The following ANKRD17 variants were observed in gnomAD, a reference collection of about 807,000 sequenced individuals.
The protein encoded by ANKRD17 is ankyrin repeat domain 17.
ANKRD17 carries 19 observed loss-of-function variants against 229.7 expected under a neutral mutation model. The ratio of observed to expected loss-of-function variants is 0.08; its 90% CI spans 0.06 to 0.12. The LOEUF is 0.12. ANKRD17 is among the 10% of genes least tolerant of loss of function. The probability of loss-of-function intolerance (pLI) is 1.00; values close to 1 mark genes in which losing one functional copy is unlikely to be tolerated. For missense variants in ANKRD17, 2,176 were observed against 3,176.8 expected (o/e 0.68, Z 7.57); for synonymous variants, 1,112 against 1,146.1 (o/e 0.97, Z 0.60).
intron 1 of ANKRD17, among the ~76,000 whole-genome samples, chr4:73,235,586 T>TA (rs1379744221): frequency 6.6e-6 from 1 of 152,168 alleles, no homozygotes; most frequent in Non-Finnish European, 1.5e-5. Context: ...GAAAAGAAAT[T>TA]AAAGGAATGT....
intron 15 of ANKRD17, 54 bp from the exon 16 acceptor site, chr4:73,135,319 T>C: frequency 6.5e-7 from 1 of 1,527,380 alleles, no homozygotes; most frequent in Non-Finnish European, 8.9e-7. Context: ...TAAGTAATAC[T>C]AAGACATATT....
chr4:73,133,312 T>G (rs767133425), intron 16 of ANKRD17, among the ~76,000 whole-genome samples: 17 of 151,082 alleles, frequency 1.1e-4, no homozygotes, highest in Non-Finnish European at 2.4e-4. Flanking sequence ...GCAAATTCAA[T>G]GCCAAGTTCA....
intron 16 of ANKRD17, among the ~76,000 whole-genome samples, chr4:73,126,212 A>T (rs1195709331): frequency 1.3e-5 from 2 of 152,164 alleles, no homozygotes; most frequent in African/African-American, 4.8e-5. Flanking sequence ...TGTGCAGAGG[A>T]TTCCCCTCAA....
At chr4:73,102,602 A>T (rs1432816980) in intron 24 of ANKRD17, 55 bp from the exon 25 acceptor site, 30 of 1,554,528 alleles carry the variant, frequency 1.9e-5, no homozygotes, top group Non-Finnish European at 2.3e-5. Context: ...CTGGAGAAGA[A>T]GTTGTCACAT....
intron 1 of ANKRD17, among the ~76,000 whole-genome samples, chr4:73,228,224 G>A (rs1742695896): frequency 6.6e-6 from 1 of 152,044 alleles, no homozygotes; most frequent in African/African-American, 2.4e-5. Flanking sequence ...CAGAATTTAA[G>A]TTAAAAGGCT....
intron 25 of ANKRD17, chr4:73,098,990 C>T: frequency 6.1e-6 from 6 of 980,658 alleles, no homozygotes; most frequent in Non-Finnish European, 9.8e-6. Flanking sequence ...ACCTAAGAGA[C>T]CTTGGGGCCA....
At chr4:73,101,683 G>A (rs1379113907) in intron 25 of ANKRD17, among the ~76,000 whole-genome samples, 1 of 79,698 alleles carries the variant, frequency 1.3e-5, no homozygotes. Flanking sequence ...AAAAAAAAAG[G>A]ATTTATAGGC....
At chr4:73,175,960 C>T (rs550898768) in intron 2 of ANKRD17, among the ~76,000 whole-genome samples, 1 of 150,108 alleles carries the variant, frequency 6.7e-6, no homozygotes, top group South Asian at 2.1e-4. Context: ...CAAATGGGAT[C>T]ACATCAAGTT....
At chr4:73,178,465 T>C (rs1041955581) in intron 1 of ANKRD17, among the ~76,000 whole-genome samples, 2 of 152,170 alleles carry the variant, frequency 1.3e-5, no homozygotes, top group Admixed American at 6.5e-5. Flanking sequence ...AGAATATTCT[T>C]AAACTAGCAT....
In ANKRD17 at chr4:73,125,128, G is replaced by C. The variant is rs1727263873; in HGVS notation, c.3347-70C>G. The C allele has an allele frequency of 5.7e-6, 9 of 1,589,708 alleles. No individual in the cohort carries two copies. The South Asian group carries it at 9.1e-5, about 16-fold the overall frequency. ...AACAAAATATCTGACCTTCAAAATA[G>C]GACTAAAAAATAATGTTCCTAAATA... On this transcript the variant is annotated intron_variant, in intron 17 of 33. Transcript: ENST00000358602.
At chr4:73,144,056 C>A (rs1276124296) in intron 11 of ANKRD17, among the ~76,000 whole-genome samples, 2 of 152,078 alleles carry the variant, frequency 1.3e-5, no homozygotes, top group East Asian at 1.9e-4. Context: ...TTTCTTTTAT[C>A]AATGCAGAAT....
chr4:73,212,682 C>T (rs1382753263), intron 1 of ANKRD17, among the ~76,000 whole-genome samples: 4 of 152,006 alleles, frequency 2.6e-5, no homozygotes, highest in Admixed American at 2.0e-4. Context: ...AAACCCACCA[C>T]ATGTTTTTGG....
chr4:73,157,609 G>C (rs976220580), intron 3 of ANKRD17, among the ~76,000 whole-genome samples: 13 of 151,776 alleles, frequency 8.6e-5, no homozygotes, highest in Non-Finnish European at 5.9e-5. Context: ...TTTCATTTCA[G>C]ATACTAAAGG....
At chr4:73,211,383 T>C (rs955611317) in intron 1 of ANKRD17, among the ~76,000 whole-genome samples, 3 of 152,160 alleles carry the variant, frequency 2.0e-5, no homozygotes, top group Non-Finnish European at 4.4e-5. Flanking sequence ...GTTGAGTGGA[T>C]AGAATGAAGT....
intron 27 of ANKRD17, among the ~76,000 whole-genome samples, chr4:73,096,449 A>G (rs1450362323): frequency 6.6e-6 from 1 of 152,226 alleles, no homozygotes; most frequent in Admixed American, 6.5e-5. Flanking sequence ...ATACGGAGGA[A>G]ATAAGCCAAA....
chr4:73,221,430 A>G (rs1741838089), intron 1 of ANKRD17, among the ~76,000 whole-genome samples: 1 of 152,188 alleles, frequency 6.6e-6, no homozygotes, highest in Non-Finnish European at 1.5e-5. Flanking sequence ...GACTTCTAAA[A>G]TCTGTTATAT....
chr4:73,100,707 T>C (rs1397173748), intron 25 of ANKRD17: 3 of 355,296 alleles, frequency 8.4e-6, no homozygotes, highest in Non-Finnish European at 1.2e-5. Context: ...ACACAACCCA[T>C]GTGTGCCAAA....
intron 1 of ANKRD17, among the ~76,000 whole-genome samples, chr4:73,179,535 T>TTTTTTTA (rs35334224): frequency 7.9e-6 from 1 of 126,218 alleles, no homozygotes; most frequent in Admixed American, 8.3e-5. Flanking sequence ...TTTTTTTTTT[T>TTTTTTTA]AAAGAGACAT....
In ANKRD17 at chr4:73,194,798, G is replaced by A. The variant is rs112126420; in HGVS notation, c.394-17265C>T. 6.4e-3 allele frequency among the ~76,000 whole-genome samples: 971 copies of A among 151,980 alleles called. 13 individuals carry two copies. The highest frequency in any genetic ancestry group is 0.022 in the African/African-American group (925 of 41,444). ...AAAATTAACCTGAAATAAATCATAAGCCTAGATACTACATATTTTTTCATG... is the reference window on the plus strand; with the variant it reads ...AAAATTAACCTGAAATAAATCATAAACCTAGATACTACATATTTTTTCATG... On this transcript the variant is annotated intron_variant, in intron 1 of 33. Transcript: ENST00000358602.
Sources: allele counts gnomAD v4.1 joint callset (sites outside exome capture counted in the v4.1 genomes callset), GRCh38; gene constraint gnomAD v4.1.1; transcripts MANE v1.5; gene names NCBI Gene and HGNC (gene_info 2026-07-23, HGNC 2026-07-21).